Variants in HMCN1 observed in about 807,000 individuals in gnomAD.
The protein encoded by HMCN1 is hemicentin 1, also known as hemicentin-1.
A neutral mutation model predicts 625.9 loss-of-function variants in HMCN1; 321 were observed. That is an observed-to-expected ratio of 0.51 (90% CI 0.47 to 0.56). The LOEUF (loss-of-function observed/expected upper bound fraction) is 0.56, where lower values mean the gene tolerates loss of function less well. Among genes scored for constraint, HMCN1 ranks in the 20% least tolerant of loss-of-function variants. The pLI is 0.00. For synonymous variants in HMCN1, 2,425 were observed against 2,417.6 expected (o/e 1.00, Z -0.09); for missense variants, 6,588 against 6,887.3 (o/e 0.96, Z 1.54).
rs777278550 is a variant in HMCN1, at chr1:186,093,118, A to T, written c.9888-16A>T. On this transcript the variant is annotated splice_polypyrimidine_tract_variant and intron_variant, in intron 64 of 106. Transcript: ENST00000271588. ...TCAATCTCATCTCAGCCCCTCTGTT[A>T]TGATCTTTTCCGTAGAGTGAGTGCA... 1.2e-6 allele frequency: 2 copies of T among 1,613,082 alleles called. No individual in the cohort carries two copies. The highest frequency in any genetic ancestry group is 2.7e-5 in the African/African-American group (2 of 74,968).
chr1:185,759,963 C>G (rs1033728906), intron 1 of HMCN1, among the ~76,000 whole-genome samples: 1 of 152,064 alleles, frequency 6.6e-6, no homozygotes, highest in African/African-American at 2.4e-5. Context: ...ACTATAATGA[C>G]GAGCAAATAA....
chr1:185,970,039 C>A (rs1007037473), intron 14 of HMCN1, among the ~76,000 whole-genome samples: 2 of 152,180 alleles, frequency 1.3e-5, no homozygotes, highest in African/African-American at 4.8e-5. Context: ...TTTCCCCACT[C>A]CCTTGTTACC....
chr1:185,968,490 A>T (rs1650579661), intron 14 of HMCN1, among the ~76,000 whole-genome samples: 1 of 150,774 alleles, frequency 6.6e-6, no homozygotes, highest in South Asian at 2.1e-4. Context: ...TTATATATAT[A>T]TATATAAATT....
At chr1:186,005,548 AT>A (rs1301574414) in intron 29 of HMCN1, among the ~76,000 whole-genome samples, 2 of 149,178 alleles carry the variant, frequency 1.3e-5, no homozygotes, top group South Asian at 2.1e-4. Flanking sequence ...TTTATAAACA[AT>A]TTTTTAATTG....
chr1:186,114,424 A>AT (rs2102472812), intron 73 of HMCN1, among the ~76,000 whole-genome samples: 1 of 151,904 alleles, frequency 6.6e-6, no homozygotes, highest in South Asian at 2.1e-4. Context: ...CGCCCAGCTA[A>AT]TTTTTTGTAT....
intron 2 of HMCN1, among the ~76,000 whole-genome samples, chr1:185,853,183 C>T (rs1418681002): frequency 6.6e-6 from 1 of 152,134 alleles, no homozygotes; most frequent in Non-Finnish European, 1.5e-5. Flanking sequence ...TAGGGCTGAT[C>T]TCATCCTCAA....
intron 46 of HMCN1, among the ~76,000 whole-genome samples, chr1:186,059,908 G>GT (rs1657576676): frequency 6.6e-6 from 1 of 152,008 alleles, no homozygotes; most frequent in South Asian, 2.1e-4. Context: ...TGAGGTTGAC[G>GT]TTTGTAGAGC....
Position 186,078,178 on chromosome 1 carries a change from G to A in HMCN1, c.8557G>A (p.Glu2853Lys). ...GAGATACACATGTGTGGCTGTGAAT[G>A]AGGCTGGAGAAGATTCCCTTCAATA... is the stretch of plus-strand genomic sequence containing the variant. Reference protein sequence around the residue: ...AGRYTCVAVNEAGEDSLQYDV... With the variant: ...AGRYTCVAVNKAGEDSLQYDV... Residue 2853 changes from glutamate to lysine, a missense_variant, in exon 55 of 107, where the codon GAG becomes AAG. Transcript: ENST00000271588. 6.2e-7 allele frequency: 1 copy of A among 1,613,700 alleles called. No homozygotes were observed. Among genetic ancestry groups the A allele is most frequent in the South Asian group, 1.1e-5 (1 of 91,070 alleles).
At chr1:185,848,345 T>C (rs769186926) in intron 2 of HMCN1, among the ~76,000 whole-genome samples, 1 of 152,118 alleles carries the variant, frequency 6.6e-6, no homozygotes, top group Non-Finnish European at 1.5e-5. Context: ...TTTGACAACA[T>C]TGGACTCTCC....
rs1205284514 is a variant in HMCN1, at chr1:185,888,930, T to C, written c.622-20407T>C. 1.4e-5 allele frequency among the ~76,000 whole-genome samples: 2 copies of C among 147,696 alleles called. 1 individual carries two copies. The highest frequency in any genetic ancestry group is 5.4e-5 in the African/African-American group (2 of 37,060). On this transcript the variant is annotated intron_variant, in intron 4 of 106. Transcript: ENST00000271588. ...GGCCATTTTCACGATATTGATTCTTTCTACCCATGAGCATGGAATGTTCTT... is the reference window on the plus strand; with the variant it reads ...GGCCATTTTCACGATATTGATTCTTCCTACCCATGAGCATGGAATGTTCTT...
intron 6 of HMCN1, among the ~76,000 whole-genome samples, chr1:185,917,836 T>C (rs1486197658): frequency 2.0e-5 from 3 of 152,158 alleles, no homozygotes; most frequent in African/African-American, 7.2e-5. Flanking sequence ...GAGGAGCAAG[T>C]AATTTTCCGC....
intron 60 of HMCN1, 31 bp downstream of exon 60, chr1:186,087,676 G>T: frequency 6.3e-7 from 1 of 1,593,218 alleles, no homozygotes; most frequent in South Asian, 1.1e-5. Context: ...TGAGTGTCAT[G>T]ACACCTTGGT....
At chr1:186,004,258 C>G (rs1302762848) in intron 29 of HMCN1, among the ~76,000 whole-genome samples, 1 of 152,186 alleles carries the variant, frequency 6.6e-6, no homozygotes, top group Non-Finnish European at 1.5e-5. Flanking sequence ...ACAGATATTT[C>G]TCCAACTCCA....
At chr1:186,153,689 C>G in intron 96 of HMCN1, 61 bp from the exon 97 acceptor site, 4 of 1,419,092 alleles carry the variant, frequency 2.8e-6, no homozygotes, top group Non-Finnish European at 4.0e-6. Context: ...TCATAGTCCC[C>G]TTAAGGGAAA....
intron 4 of HMCN1, among the ~76,000 whole-genome samples, chr1:185,905,894 C>A (rs1298919032): frequency 6.6e-6 from 1 of 151,760 alleles, no homozygotes; most frequent in Non-Finnish European, 1.5e-5. Flanking sequence ...ATTAGATGGT[C>A]TCAGAGGCCC....
Position 186,163,238 on chromosome 1 carries a change from G to A in HMCN1, c.15257-1873G>A, listed in dbSNP as rs573409700. 1.7e-3 allele frequency among the ~76,000 whole-genome samples: 266 copies of A among 152,274 alleles called. 2 individuals are homozygous for A. The highest frequency in any genetic ancestry group is 1.3e-3 in the Non-Finnish European group (89 of 68,032). On this transcript the variant is annotated intron_variant, in intron 97 of 106. Transcript: ENST00000271588. ...GGTGCAGGATATAATCTCCTGGTGC[G>A]CCATTTTTTAAGCCTGTCAGAAAAG... is the stretch of plus-strand genomic sequence containing the variant.
chr1:186,115,261 C>T lies in HMCN1; in HGVS notation c.11408C>T (p.Pro3803Leu). 1 of 1,613,934 alleles carries T rather than the reference C, an allele frequency of 6.2e-7. No homozygotes were observed. Among genetic ancestry groups the T allele is most frequent in the Non-Finnish European group, 8.5e-7 (1 of 1,179,940 alleles). Residue 3803 changes from proline to leucine, a missense_variant, in exon 75 of 107, where the codon CCT becomes CTT. This residue lies in a region of HMCN1 where 4,628 missense variants were observed against 4,853.1 expected (regional missense o/e 0.95). Coordinates refer to ENST00000271588, the MANE Select transcript of HMCN1 (RefSeq NM_031935.3). ...TTATTTGGTGACATTGTCTTAGTTC[C>T]TCCATCTATTGCTCCGGGTCCTACC... ...RRRIDLQVHV[P>L]PSIAPGPTNM...
At chr1:185,983,312 C>A (rs1378488954) in intron 18 of HMCN1, among the ~76,000 whole-genome samples, 1 of 152,014 alleles carries the variant, frequency 6.6e-6, no homozygotes. Context: ...GACTCACTCT[C>A]TTCTTGAAGT....
Position 186,137,846 on chromosome 1 carries a change from A to G in HMCN1, c.13798A>G (p.Arg4600Gly). The G allele has an allele frequency of 6.2e-7, 1 of 1,614,122 alleles. No individual in the cohort carries two copies. The highest frequency in any genetic ancestry group is 8.5e-7 in the Non-Finnish European group (1 of 1,179,988). Residue 4600 changes from arginine to glycine, a missense_variant, in exon 89 of 107, where the codon AGG (arginine) becomes GGG (glycine). Coordinates refer to ENST00000271588, the MANE Select transcript of HMCN1 (RefSeq NM_031935.3). ...SEWSLWEECT[R>G]SCGRGNQTRT... is the part of the protein sequence containing the mutation. ...ATGGAGTCTTTGGGAAGAATGCACA[A>G]GGAGCTGTGGACGCGGCAACCAAAC...
Sources: allele counts gnomAD v4.1 joint callset (sites outside exome capture counted in the v4.1 genomes callset), GRCh38; gene constraint gnomAD v4.1.1; regional missense constraint gnomAD v4.1.1; transcripts MANE v1.5; gene names NCBI Gene and HGNC (gene_info 2026-07-23, HGNC 2026-07-21).